The following CNOT1 variants were observed in gnomAD, a reference collection of about 807,000 sequenced individuals.
The protein encoded by CNOT1 is CCR4-NOT transcription complex subunit 1.
A neutral mutation model predicts 273.8 loss-of-function variants in CNOT1; 15 were observed. The ratio of observed to expected loss-of-function variants is 0.05; its 90% CI spans 0.04 to 0.08. CNOT1 has a LOEUF of 0.08. CNOT1 is among the 10% of genes least tolerant of loss of function. The pLI, the probability that CNOT1 is intolerant of heterozygous loss-of-function variation, is 1.00. For missense variants in CNOT1, 1,644 were observed against 2,912.2 expected, an observed-to-expected ratio of 0.56 and a Z score of 10.02; for synonymous variants, 1,022 against 1,005.5, an observed-to-expected ratio of 1.02 and a Z score of -0.31.
chr16:58,582,890 G>A lies in CNOT1; in HGVS notation c.947C>T (p.Pro316Leu), dbSNP rs369419200. 1.5e-4 allele frequency: 243 copies of A among 1,611,676 alleles called. No individual in the cohort carries two copies. The highest frequency in any genetic ancestry group is 1.8e-4 in the Non-Finnish European group (213 of 1,178,176). ...DGIPLQSISA[P>L]GSGIWSDGKD... ...CCCATCACTCCAGATCCCACTGCCCGGAGCAGAAATACTCTGTAGAAGTAA... is the reference window on the plus strand; with the variant it reads ...CCCATCACTCCAGATCCCACTGCCCAGAGCAGAAATACTCTGTAGAAGTAA... Residue 316 changes from proline (P) to leucine (L), a missense_variant, in exon 10 of 49, where the codon CCG (proline) becomes CTG (leucine). Transcript: ENST00000317147.
chr16:58,553,038 G>A (rs377337926), intron 22 of CNOT1, among the ~76,000 whole-genome samples: 11 of 152,226 alleles, frequency 7.2e-5, no homozygotes, highest in South Asian at 4.1e-4. Flanking sequence ...TTTGCAGGGC[G>A]GAGGTGGGCG....
chr16:58,545,339 G>A, intron 30 of CNOT1, 22 bp downstream of exon 30: 1 of 1,606,990 alleles, frequency 6.2e-7, no homozygotes, highest in South Asian at 1.1e-5. Context: ...GAAGCTGGGA[G>A]AATGGAGCAG....
chr16:58,546,893 C>T (rs2040274124), intron 27 of CNOT1, 144 bp from the exon 28 acceptor site: 1 of 1,110,260 alleles, frequency 9.0e-7, no homozygotes, highest in Non-Finnish European at 1.3e-6. Flanking sequence ...TAACCAAAAA[C>T]AGTTAAACAT....
chr16:58,593,152 G>A (rs1057511606), intron 2 of CNOT1, among the ~76,000 whole-genome samples: 6 of 152,194 alleles, frequency 3.9e-5, no homozygotes, highest in Non-Finnish European at 8.8e-5. Context: ...GCCAGGCGCG[G>A]TGGCTGATGC....
At chr16:58,532,475 G>A in intron 40 of CNOT1, 80 bp from the exon 41 acceptor site, 6 of 1,545,470 alleles carry the variant, frequency 3.9e-6, no homozygotes, top group Non-Finnish European at 5.2e-6. Context: ...TTTAAACTTT[G>A]CATTCTTAAA....
At chr16:58,604,482 T>A (rs535414755) in intron 1 of CNOT1, among the ~76,000 whole-genome samples, 3 of 151,720 alleles carry the variant, frequency 2.0e-5, no homozygotes, top group African/African-American at 7.3e-5. Flanking sequence ...GCCAAAACCT[T>A]AAAAAAACAC....
intron 1 of CNOT1, among the ~76,000 whole-genome samples, chr16:58,610,182 C>G (rs528857971): frequency 6.6e-6 from 1 of 152,334 alleles, no homozygotes; most frequent in Admixed American, 6.5e-5. Flanking sequence ...CTTCAGGAGG[C>G]CGAGGTGGGT....
intron 1 of CNOT1, among the ~76,000 whole-genome samples, chr16:58,605,451 T>C (rs2042642744): frequency 1.3e-5 from 2 of 150,716 alleles, no homozygotes; most frequent in African/African-American, 4.9e-5. Flanking sequence ...TGAAGTGAGC[T>C]GAGATTATGC....
Position 58,587,776 on chromosome 16 carries a change from C to G in CNOT1, c.309+4G>C. 6.2e-7 allele frequency: 1 copy of G among 1,612,966 alleles called. No homozygotes were observed. Among genetic ancestry groups the G allele is most frequent in the African/African-American group, 1.3e-5 (1 of 74,948 alleles). ...ACACTCTTAAAGATAATAGTAATACCAACCTTCTGATAGTGCAATGGATTA... is the reference window on the plus strand; with the variant it reads ...ACACTCTTAAAGATAATAGTAATACGAACCTTCTGATAGTGCAATGGATTA... On this transcript the variant is annotated splice_donor_region_variant and intron_variant, in intron 4 of 48. Transcript: ENST00000317147.
At chr16:58,599,125 G>C (rs2042376258) in intron 2 of CNOT1, 111 bp downstream of exon 2, 1 of 1,388,926 alleles carries the variant, frequency 7.2e-7, no homozygotes. Flanking sequence ...CTTGAATTAA[G>C]GGGCAAAAGT....
chr16:58,543,371 GTATCTAC>G, intron 31 of CNOT1: 1 of 1,544,118 alleles, frequency 6.5e-7, no homozygotes, highest in Non-Finnish European at 8.7e-7. Flanking sequence ...AAATATTTGG[GTATCTAC>G]TATCTGTCAA....
chr16:58,558,320 T>C (rs1177575258), intron 18 of CNOT1, among the ~76,000 whole-genome samples, 153 bp downstream of exon 18: 1 of 152,240 alleles, frequency 6.6e-6, no homozygotes, highest in African/African-American at 2.4e-5. Context: ...ATAATCTGTT[T>C]TTCTTTTCCC....
chr16:58,565,545 CA>C (rs1258062708), intron 16 of CNOT1, among the ~76,000 whole-genome samples: 5 of 152,214 alleles, frequency 3.3e-5, no homozygotes, highest in African/African-American at 1.2e-4. Context: ...CAATGCTCTT[CA>C]AAGCTATTTT....
Position 58,599,383 on chromosome 16 carries a change from C to T in CNOT1, c.-46G>A. On this transcript the variant is annotated 5_prime_UTR_variant, in exon 2 of 49. It adds an upstream start codon to the 5' untranslated region. Coordinates refer to ENST00000317147, the MANE Select transcript of CNOT1 (RefSeq NM_016284.5). The stretch of plus-strand genomic sequence containing the variant: ...GGCGGCCGAGCCCGGCGCAAAATCA[C>T]CATTATTCCCCTTTAGTCACCTCAG... The T allele has an allele frequency of 1.2e-6, 2 of 1,612,596 alleles. No homozygotes were observed. The highest frequency in any genetic ancestry group is 1.7e-6 in the Non-Finnish European group (2 of 1,179,224).
chr16:58,586,797 G>A, intron 6 of CNOT1, 49 bp from the exon 7 acceptor site: 4 of 1,581,306 alleles, frequency 2.5e-6, no homozygotes, highest in Non-Finnish European at 3.4e-6. Flanking sequence ...GCACCACAAT[G>A]GGTTAAAAAG....
chr16:58,527,952 C>A, intron 44 of CNOT1: 1 of 315,340 alleles, frequency 3.2e-6, no homozygotes, highest in Non-Finnish European at 6.2e-6. Context: ...CCCATCTCCA[C>A]TAAACACATA....
At position 58,586,535 on chromosome 16, in the gene CNOT1, A is replaced by G. The variant is rs200173466; in HGVS notation, c.637+10T>C. On this transcript the variant is annotated intron_variant, in intron 7 of 48. Coordinates refer to ENST00000317147, the MANE Select transcript of CNOT1 (RefSeq NM_016284.5). ...AAACCACCCACTGTAGGCTACAAAGACTCCCTTACCTCTGCGCAGCGTCTT... is the reference window on the plus strand; with the variant it reads ...AAACCACCCACTGTAGGCTACAAAGGCTCCCTTACCTCTGCGCAGCGTCTT... 7 of 1,606,140 alleles carry G rather than the reference A, an allele frequency of 4.4e-6. No homozygotes were observed. In the East Asian group the frequency reaches 1.3e-4, roughly 31 times the overall value.
Position 58,547,443 on chromosome 16 carries a change from A to C in CNOT1, c.3639+123T>G. 6.6e-7 allele frequency: 1 copy of C among 1,503,886 alleles called. No homozygotes were observed. Among genetic ancestry groups the C allele is most frequent in the Non-Finnish European group, 8.9e-7 (1 of 1,118,956 alleles). 93.2% of individuals were successfully genotyped at this position (1,503,886 alleles called of 1,614,324 possible). On this transcript the variant is annotated intron_variant, in intron 26 of 48. Transcript: ENST00000317147. The surrounding 1 kb of genome is among the most constrained non-coding windows in gnomAD (Gnocchi z 4.0). ...CTTGCCTTACAAAAAGGGGTTAACA[A>C]CTCAAAACGTGGGCCAAAATCTTAC... is the stretch of plus-strand genomic sequence containing the variant.
In CNOT1 at chr16:58,588,921, A is replaced by C; in HGVS notation, c.103-15T>G. 1 of 1,603,032 alleles carries C rather than the reference A, an allele frequency of 6.2e-7. No individual in the cohort carries two copies. Among genetic ancestry groups the C allele is most frequent in the African/African-American group, 1.3e-5 (1 of 74,626 alleles). ...CGATTCACAATCTAAAATGACCAAA[A>C]ATAACATGTTTAATAAGGGAAGATA... is the stretch of plus-strand genomic sequence containing the variant. On this transcript the variant is annotated splice_polypyrimidine_tract_variant and intron_variant, in intron 2 of 48. Coordinates refer to ENST00000317147, the MANE Select transcript of CNOT1 (RefSeq NM_016284.5).
Sources: allele counts gnomAD v4.1 joint callset (sites outside exome capture counted in the v4.1 genomes callset), GRCh38; gene constraint gnomAD v4.1.1; non-coding constraint Gnocchi (gnomAD v3.1); transcripts MANE v1.5; gene names NCBI Gene and HGNC (gene_info 2026-07-23, HGNC 2026-07-21).